Variants in NFX1 observed in about 807,000 individuals in gnomAD.
NFX1 encodes transcriptional repressor NF-X1.
A neutral mutation model predicts 137.2 loss-of-function variants in NFX1; 69 were observed. The observed-to-expected ratio is 0.50, with a 90% confidence interval of 0.41 to 0.61. The LOEUF (loss-of-function observed/expected upper bound fraction) is 0.61. NFX1 is among the 20% of genes least tolerant of loss of function. The pLI, the probability that NFX1 is intolerant of heterozygous loss-of-function variation, is 0.00. For synonymous variants in NFX1, 495 were observed against 474.1 expected (o/e 1.04, Z -0.57); for missense variants, 1,167 against 1,391.0 (o/e 0.84, Z 2.56).
chr9:33,328,527 A>G (rs2118467997), intron 9 of NFX1, 54 bp from the exon 10 acceptor site: 1 of 1,386,196 alleles, frequency 7.2e-7, no homozygotes, highest in South Asian at 1.2e-5. Flanking sequence ...ATTTGGGAGT[A>G]TGAAAATGAG....
At chr9:33,301,156 T>C in intron 2 of NFX1, 107 bp from the exon 3 acceptor site, 2 of 1,020,152 alleles carry the variant, frequency 2.0e-6, no homozygotes, top group Non-Finnish European at 2.9e-6. Context: ...AAAATCTCTG[T>C]GTTTGGATTC....
intron 11 of NFX1, among the ~76,000 whole-genome samples, chr9:33,334,124 G>A (rs1006973090): frequency 4.6e-5 from 7 of 151,988 alleles, no homozygotes; most frequent in Admixed American, 4.6e-4. Context: ...CAGCCTGGGC[G>A]ACAGAGTGAG....
intron 9 of NFX1, among the ~76,000 whole-genome samples, chr9:33,320,098 A>G (rs1049936096): frequency 6.6e-6 from 1 of 151,158 alleles, no homozygotes; most frequent in Non-Finnish European, 1.5e-5. Flanking sequence ...AGTAGCTGGG[A>G]TTACAGGCAC....
intron 11 of NFX1, among the ~76,000 whole-genome samples, chr9:33,334,782 A>T (rs532258603): frequency 5.3e-5 from 8 of 152,318 alleles, no homozygotes; most frequent in Admixed American, 1.3e-4. Flanking sequence ...GCCTTGTCAT[A>T]GTTCACCATG....
chr9:33,304,856 T>G (rs1293173829), intron 4 of NFX1, among the ~76,000 whole-genome samples: 1 of 152,242 alleles, frequency 6.6e-6, no homozygotes, highest in Non-Finnish European at 1.5e-5. Flanking sequence ...ATACCAATAC[T>G]TAATACCTTA....
chr9:33,306,795 C>A lies in NFX1; in HGVS notation c.1271-399C>A, dbSNP rs181211311. Among the ~76,000 whole-genome samples, 585 of 152,288 alleles carry A rather than the reference C, an allele frequency of 3.8e-3. 7 individuals carry two copies. The highest frequency in any genetic ancestry group is 5.6e-3 in the Non-Finnish European group (380 of 68,012). ...CCTTTCCATTTCTTACTGCCTCCCCCCTTTCCCCACGGTGCTCTTCTCTTA... is the reference window on the plus strand; with the variant it reads ...CCTTTCCATTTCTTACTGCCTCCCCACTTTCCCCACGGTGCTCTTCTCTTA... On this transcript the variant is annotated intron_variant, in intron 4 of 23. Coordinates refer to ENST00000379540, the MANE Select transcript of NFX1 (RefSeq NM_002504.6).
At chr9:33,296,413 C>T (rs546522065) in intron 2 of NFX1, among the ~76,000 whole-genome samples, 2 of 152,124 alleles carry the variant, frequency 1.3e-5, no homozygotes, top group Non-Finnish European at 2.9e-5. Context: ...AGTTCGCTGA[C>T]GAAGTCTTAC....
intron 9 of NFX1, among the ~76,000 whole-genome samples, chr9:33,327,091 T>C (rs1261591112): frequency 3.9e-5 from 6 of 152,090 alleles, no homozygotes; most frequent in Non-Finnish European, 1.5e-5. Context: ...AAAAAAGACA[T>C]GAGACTTACA....
At position 33,295,179 on chromosome 9, in the gene NFX1, C is replaced by T. The variant is rs1282455789; in HGVS notation, c.785C>T (p.Pro262Leu). 6 of 1,613,914 alleles carry T rather than the reference C, an allele frequency of 3.7e-6. No individual in the cohort carries two copies. Among genetic ancestry groups the T allele is most frequent in the Non-Finnish European group, 5.1e-6 (6 of 1,180,014 alleles). ...AGGCCACGACCAGGCAGAAATCCAC[C>T]AAAACAGGAGGGCCACCGACATACA... The part of the protein sequence containing the change: ...GARPRPGRNP[P>L]KQEGHRHTNA... Residue 262 changes from proline (P) to leucine (L), a missense_variant, in exon 2 of 24, where the codon CCA (proline) becomes CTA (leucine). Transcript: ENST00000379540.
At chr9:33,353,235 G>A (rs761026248) in intron 17 of NFX1, among the ~76,000 whole-genome samples, 6 of 152,152 alleles carry the variant, frequency 3.9e-5, no homozygotes, top group Non-Finnish European at 7.3e-5. Flanking sequence ...AAGATGTCCT[G>A]AAGTTAGGTG....
At position 33,315,614 on chromosome 9, in the gene NFX1, A is replaced by G. The variant is rs1321620086; in HGVS notation, c.1588+1821A>G. Among the ~76,000 whole-genome samples the G allele has an allele frequency of 7.3e-5, 11 of 151,712 alleles. 1 individual carries two copies. Among genetic ancestry groups the G allele is most frequent in the Non-Finnish European group, 1.5e-5 (1 of 67,958 alleles). ...CACACATCCTCTTAAAAGTGGCTAG[A>G]TTGGCCTGGGCACGGTAGCTCATGC... On this transcript the variant is annotated intron_variant, in intron 7 of 23. Coordinates refer to ENST00000379540, the MANE Select transcript of NFX1 (RefSeq NM_002504.6).
intron 7 of NFX1, among the ~76,000 whole-genome samples, chr9:33,314,602 G>A (rs1164484644): frequency 5.3e-5 from 8 of 152,082 alleles, no homozygotes; most frequent in African/African-American, 1.7e-4. Context: ...ACTTGAACCC[G>A]GGAGGCGGAG....
chr9:33,351,472 A>C, intron 15 of NFX1, 88 bp from the exon 16 acceptor site: 7 of 1,244,658 alleles, frequency 5.6e-6, no homozygotes, highest in Non-Finnish European at 8.1e-6. Context: ...AAACCCTGCC[A>C]TAAGCTTAGA....
chr9:33,300,222 G>A (rs942059643), intron 2 of NFX1, among the ~76,000 whole-genome samples: 12 of 151,316 alleles, frequency 7.9e-5, no homozygotes, highest in Non-Finnish European at 1.3e-4. Context: ...ACTCCACCAC[G>A]CCCAGCTAAT....
chr9:33,337,731 T>TAAAAC (rs144681736), intron 11 of NFX1, among the ~76,000 whole-genome samples: 16 of 149,446 alleles, frequency 1.1e-4, no homozygotes, highest in South Asian at 2.1e-4. Flanking sequence ...CCTGTCTCTT[T>TAAAAC]AAAACAAAAC....
intron 7 of NFX1, among the ~76,000 whole-genome samples, chr9:33,316,326 G>A (rs1236799858): frequency 7.7e-6 from 1 of 130,244 alleles, no homozygotes; most frequent in African/African-American, 2.9e-5. Context: ...TTTTTTTTTT[G>A]GATCTCGTTC....
chr9:33,304,442 T>A (rs1821682760), intron 4 of NFX1, among the ~76,000 whole-genome samples: 1 of 152,178 alleles, frequency 6.6e-6, no homozygotes, highest in Non-Finnish European at 1.5e-5. Flanking sequence ...CTCTCCTTAT[T>A]TTTCTAACCA....
At chr9:33,341,462 G>GTA (rs751787511) in intron 12 of NFX1, among the ~76,000 whole-genome samples, 74 of 152,026 alleles carry the variant, frequency 4.9e-4, no homozygotes, top group Non-Finnish European at 7.5e-4. Context: ...CTGTATCAGT[G>GTA]TATATATATA....
chr9:33,290,656 G>T, intron 1 of NFX1, 59 bp downstream of exon 1: 1 of 1,557,776 alleles, frequency 6.4e-7, no homozygotes, highest in East Asian at 2.3e-5. Flanking sequence ...TTGGGTCAGT[G>T]ACGAAGTTCT....
Sources: allele counts gnomAD v4.1 joint callset (sites outside exome capture counted in the v4.1 genomes callset), GRCh38; gene constraint gnomAD v4.1.1; transcripts MANE v1.5; gene names NCBI Gene and HGNC (gene_info 2026-07-23, HGNC 2026-07-21).